CSMD1: variants seen among roughly 807,000 people sequenced by gnomAD.
CSMD1 encodes the protein CUB and sushi domain-containing protein 1.
In CSMD1, 213 loss-of-function variants were observed where a neutral mutation model predicts 417.5. That is an observed-to-expected ratio of 0.51 (90% CI 0.46 to 0.57). The LOEUF (loss-of-function observed/expected upper bound fraction) is 0.57. CSMD1 is among the 20% of genes least tolerant of loss of function. The pLI, the probability that CSMD1 is intolerant of heterozygous loss-of-function variation, is 0.00. For synonymous variants in CSMD1, 2,862 were observed against 1,736.8 expected (o/e 1.65, Z -16.11); for missense variants, 6,923 against 4,529.7 (o/e 1.53, Z -15.17).
intron 5 of CSMD1, among the ~76,000 whole-genome samples, chr8:3,910,242 G>A (rs1186407270): frequency 1.3e-5 from 2 of 152,106 alleles, no homozygotes; most frequent in Admixed American, 6.5e-5. Context: ...GGGTGGGGAG[G>A]AAAATATGTC....
chr8:4,319,066 A>G (rs1280213572), intron 3 of CSMD1, among the ~76,000 whole-genome samples: 1 of 152,202 alleles, frequency 6.6e-6, no homozygotes, highest in East Asian at 1.9e-4. Context: ...AACATCTTTT[A>G]CTTCATTAGT....
chr8:3,373,462 A>G (rs1810104284), intron 18 of CSMD1: 2 of 152,248 alleles, frequency 1.3e-5, no homozygotes, highest in South Asian at 2.1e-4. Context: ...CATAAAAGTA[A>G]TTCTGTCCAC....
At chr8:3,675,261 G>C (rs1237555491) in intron 7 of CSMD1, among the ~76,000 whole-genome samples, 2 of 152,146 alleles carry the variant, frequency 1.3e-5, no homozygotes, top group Non-Finnish European at 2.9e-5. Context: ...TGGCTGGCAT[G>C]TGCGTGCCAT....
At position 4,129,056 on chromosome 8, in the gene CSMD1, C is replaced by G. The variant is rs370399414; in HGVS notation, c.416-96957G>C. On this transcript the variant is annotated intron_variant, in intron 3 of 69. Transcript: ENST00000635120. ...GCGCCACTGCACTCCAGCGTGGTTA[C>G]AGAGTGAGAGTCCAACTCAAAAAAA... 3.6e-5 allele frequency among the ~76,000 whole-genome samples: 4 copies of G among 110,748 alleles called. No individual in the cohort carries two copies. The East Asian group carries it at 9.1e-4, about 25-fold the overall frequency. 72.7% of individuals were successfully genotyped at this position (110,748 alleles called of 152,430 possible). A position where few individuals can be genotyped will look rare whatever the true frequency, so the allele number is the denominator to read the frequency against.
chr8:3,524,915 TG>T (rs1797691996), intron 10 of CSMD1, among the ~76,000 whole-genome samples: 1 of 152,048 alleles, frequency 6.6e-6, no homozygotes, highest in Non-Finnish European at 1.5e-5. Flanking sequence ...GTAATAAACT[TG>T]GTATCATGAA....
chr8:4,235,477 C>T (rs184012830), intron 3 of CSMD1, among the ~76,000 whole-genome samples: 8 of 152,034 alleles, frequency 5.3e-5, no homozygotes, highest in Admixed American at 3.9e-4. Flanking sequence ...ATTTGGAAAC[C>T]TAATTCACAT....
chr8:3,523,982 T>TGCACACACACAC (rs1797636523), intron 10 of CSMD1, among the ~76,000 whole-genome samples: 1 of 123,712 alleles, frequency 8.1e-6, no homozygotes, highest in African/African-American at 3.2e-5. Context: ...CACACACACA[T>TGCACACACACAC]GCACACCCAG....
chr8:4,958,061 G>A (rs569426144), intron 1 of CSMD1, among the ~76,000 whole-genome samples: 4 of 152,244 alleles, frequency 2.6e-5, no homozygotes, highest in Admixed American at 1.3e-4. Context: ...TTGATAAGAG[G>A]GAGCTTCATG....
At chr8:4,184,472 C>G (rs1207763276) in intron 3 of CSMD1, among the ~76,000 whole-genome samples, 1 of 152,128 alleles carries the variant, frequency 6.6e-6, no homozygotes, top group Non-Finnish European at 1.5e-5. Context: ...CAAAGGCCAC[C>G]AATGGCAGAC....
In CSMD1 at chr8:3,378,383, C is replaced by A. The variant is rs936864089; in HGVS notation, c.2783-9013G>T. On this transcript the variant is annotated intron_variant, in intron 18 of 69. Coordinates refer to ENST00000635120, the MANE Select transcript of CSMD1 (RefSeq NM_033225.6). ...CAGACAATAAAAAAGAGGGACTCCT[C>A]CCTAACTCATTTTATGAGGGCAGCA... Among the ~76,000 whole-genome samples, 13 of 152,274 alleles carry A rather than the reference C, an allele frequency of 8.5e-5. No individual in the cohort carries two copies. In the East Asian group the frequency reaches 2.5e-3, roughly 29 times the overall value.
chr8:4,296,168 G>A (rs1286504976), intron 3 of CSMD1, among the ~76,000 whole-genome samples: 2 of 152,204 alleles, frequency 1.3e-5, no homozygotes, highest in East Asian at 3.9e-4. Context: ...ACTATGCTCA[G>A]GGTCTCCCTC....
intron 3 of CSMD1, among the ~76,000 whole-genome samples, chr8:4,154,584 G>C (rs983984944): frequency 6.6e-6 from 1 of 152,004 alleles, no homozygotes; most frequent in Non-Finnish European, 1.5e-5. Flanking sequence ...AAGAGGTGAG[G>C]TCTTTGGCAA....
intron 3 of CSMD1, among the ~76,000 whole-genome samples, chr8:4,199,738 C>G (rs779071433): frequency 3.0e-4 from 45 of 152,034 alleles, no homozygotes; most frequent in Non-Finnish European, 4.9e-4. Flanking sequence ...ATGCTTTGAT[C>G]CTCTTAAAAT....
At chr8:4,982,076 G>T (rs940391463) in intron 1 of CSMD1, among the ~76,000 whole-genome samples, 1 of 152,066 alleles carries the variant, frequency 6.6e-6, no homozygotes, top group Non-Finnish European at 1.5e-5. Context: ...CTTAGAAGTG[G>T]ATTCTACCCC....
chr8:3,301,609 C>T (rs1473355476), intron 25 of CSMD1, among the ~76,000 whole-genome samples: 1 of 152,104 alleles, frequency 6.6e-6, no homozygotes, highest in East Asian at 1.9e-4. Context: ...GTAAAGAGAG[C>T]ACCACAGTAG....
chr8:4,021,865 C>G (rs1244304966), intron 4 of CSMD1, among the ~76,000 whole-genome samples: 1 of 151,978 alleles, frequency 6.6e-6, no homozygotes, highest in Non-Finnish European at 1.5e-5. Flanking sequence ...TGAAATAGTG[C>G]CATCCCCCTC....
chr8:4,586,529 C>T (rs1799708293), intron 2 of CSMD1, among the ~76,000 whole-genome samples: 1 of 152,102 alleles, frequency 6.6e-6, no homozygotes, highest in African/African-American at 2.4e-5. Context: ...GGCAATTTTC[C>T]AGGAAAAATC....
At chr8:3,885,015 G>A (rs1806462108) in intron 5 of CSMD1, among the ~76,000 whole-genome samples, 1 of 151,324 alleles carries the variant, frequency 6.6e-6, no homozygotes, top group Non-Finnish European at 1.5e-5. Context: ...AGTAAGCTCT[G>A]AAATAAATGT....
chr8:4,226,014 G>C (rs1801329510), intron 3 of CSMD1, among the ~76,000 whole-genome samples: 1 of 151,110 alleles, frequency 6.6e-6, no homozygotes, highest in Admixed American at 6.6e-5. Context: ...ATTTTCCCAT[G>C]AATATTTAGT....
Sources: gnomAD v4.1 joint callset for allele counts (sites outside exome capture counted in the v4.1 genomes callset) on GRCh38, gnomAD v4.1.1 for gene constraint, MANE v1.5 for transcripts, NCBI Gene and HGNC (gene_info 2026-07-23, HGNC 2026-07-21) for gene names.